MTHFD1: variants seen among roughly 807,000 people sequenced by gnomAD.
The protein encoded by MTHFD1 is methylenetetrahydrofolate dehydrogenase, cyclohydrolase and formyltetrahydrofolate synthetase 1.
Under a neutral mutation model 110.3 loss-of-function variants are expected in MTHFD1, and 44 were observed. The observed-to-expected ratio is 0.40, with a 90% confidence interval of 0.31 to 0.51. MTHFD1 has a LOEUF of 0.51. Ranked by LOEUF, MTHFD1 falls within the 20% of genes least tolerant of loss-of-function variation. MTHFD1 has a pLI of 0.60. For synonymous variants in MTHFD1, 402 were observed against 428.8 expected, an observed-to-expected ratio of 0.94 and a Z score of 0.77; for missense variants, 909 against 1,173.1, an observed-to-expected ratio of 0.77 and a Z score of 3.29.
At chr14:64,401,666 G>A (rs573061629) in intron 2 of MTHFD1, among the ~76,000 whole-genome samples, 3 of 145,952 alleles carry the variant, frequency 2.1e-5, no homozygotes, top group Non-Finnish European at 3.0e-5. Context: ...TTGTGCCACT[G>A]CACTCCAGCC....
intron 24 of MTHFD1, among the ~76,000 whole-genome samples, chr14:64,450,873 A>G (rs1320672933): frequency 6.6e-6 from 1 of 152,058 alleles, no homozygotes; most frequent in Non-Finnish European, 1.5e-5. Context: ...AAGCCTGGCT[A>G]ATTTGTTTTA....
intron 24 of MTHFD1, among the ~76,000 whole-genome samples, chr14:64,452,549 C>T (rs968116396): frequency 1.3e-5 from 2 of 152,190 alleles, no homozygotes; most frequent in African/African-American, 4.8e-5. Flanking sequence ...GGGACTGAGG[C>T]CCTCACCAGT....
chr14:64,439,249 C>T, intron 17 of MTHFD1, 77 bp downstream of exon 17: 4 of 1,045,220 alleles, frequency 3.8e-6, no homozygotes, highest in South Asian at 2.6e-5. Flanking sequence ...TCCATCCTCT[C>T]TCATACGACT....
rs974257312 is a variant in MTHFD1, at chr14:64,441,896, G to C, written c.1885-158G>C. 1.9e-5 allele frequency: 13 copies of C among 692,778 alleles called. No homozygotes were observed. In the African/African-American group the frequency reaches 2.1e-4, roughly 11 times the overall value. 42.9% of individuals were successfully genotyped at this position (692,778 alleles called of 1,614,324 possible). On this transcript the variant is annotated intron_variant, in intron 19 of 27. Transcript: ENST00000652337. Reference sequence around the variant, plus strand: ...TTTCTTCTCATTCTTCCTCACACCTGTGACTGGGACGTTACTGAAATAAAA... The same window carrying C: ...TTTCTTCTCATTCTTCCTCACACCTCTGACTGGGACGTTACTGAAATAAAA...
At position 64,453,795 on chromosome 14, in the gene MTHFD1, C is replaced by A; in HGVS notation, c.2499C>A (p.Ile833=). ...EDKIRIIAQK[I]YGADDIELLP... ...AAATCAGGATCATTGCACAGAAGAT[C>A]TATGGAGCAGATGACATTGAATTAC... The change falls in exon 25 of 28, where the codon ATC becomes ATA. Residue 833 remains isoleucine, a synonymous_variant. Transcript: ENST00000652337. 1 of 1,612,950 alleles carries A rather than the reference C, an allele frequency of 6.2e-7. No individual in the cohort carries two copies. Among genetic ancestry groups the A allele is most frequent in the South Asian group, 1.1e-5 (1 of 91,042 alleles).
At chr14:64,457,898 G>C (rs1018328497) in intron 26 of MTHFD1, 8 of 422,974 alleles carry the variant, frequency 1.9e-5, no homozygotes, top group African/African-American at 1.6e-4. Flanking sequence ...TGAAAGTAAA[G>C]ATGACTTTAC....
intron 21 of MTHFD1, among the ~76,000 whole-genome samples, chr14:64,444,276 A>G (rs2078272186): frequency 6.6e-6 from 1 of 151,996 alleles, no homozygotes; most frequent in Admixed American, 6.6e-5. Flanking sequence ...AGTTCATGAA[A>G]CCATGGCAGG....
In MTHFD1 at chr14:64,417,987, C is replaced by T. The variant is rs761174106; in HGVS notation, c.578C>T (p.Thr193Ile). ...DLLLWNNATV[T>I]TCHSKTAHLD... is the part of the protein sequence containing the mutation. ...CTTCTGTGGAACAATGCCACAGTGA[C>T]CACCTGCCACTCCAAGACTGCCCAT... Residue 193 changes from threonine to isoleucine, a missense_variant, in exon 7 of 28, where the codon ACC becomes ATC. By Grantham distance (89) the Thr-to-Ile change is moderately conservative (BLOSUM62 -1). Transcript: ENST00000652337. The surrounding 1 kb of genome is among the most constrained non-coding windows in gnomAD (Gnocchi z 4.4). 6.2e-7 allele frequency: 1 copy of T among 1,614,036 alleles called. No individual in the cohort carries two copies. Among genetic ancestry groups the T allele is most frequent in the South Asian group, 1.1e-5 (1 of 91,076 alleles).
intron 25 of MTHFD1, among the ~76,000 whole-genome samples, chr14:64,454,231 G>A (rs1361866906): frequency 2.6e-5 from 4 of 152,156 alleles, no homozygotes; most frequent in Non-Finnish European, 1.5e-5. Flanking sequence ...TCCCACCTCA[G>A]CCTCCTGAGT....
At chr14:64,435,487 A>C in intron 15 of MTHFD1, 82 bp from the exon 16 acceptor site, 1 of 848,222 alleles carries the variant, frequency 1.2e-6, no homozygotes. Flanking sequence ...TCCCATTTAG[A>C]GGTAGGGGTC....
chr14:64,416,527 G>A (rs188549565), intron 6 of MTHFD1, among the ~76,000 whole-genome samples: 38 of 152,116 alleles, frequency 2.5e-4, no homozygotes, highest in Middle Eastern at 6.8e-3. Context: ...ATATTGTCCC[G>A]TTACTAGTTA....
Position 64,424,835 on chromosome 14 carries a change from G to A in MTHFD1, c.759G>A (p.Val253=). Residue 253 remains valine (V), a synonymous_variant, in exon 9 of 28, where the codon GTG becomes GTA. Transcript: ENST00000652337. ...AAAAACCAAATGGGAGAAAAGTTGT[G>A]GGTGATGTGGCATACGACGAGGCCA... ...DDKKPNGRKV[V]GDVAYDEAKE... is the part of the protein sequence containing the mutation. 2 of 1,614,112 alleles carry A rather than the reference G, an allele frequency of 1.2e-6. No homozygotes were observed. Among genetic ancestry groups the A allele is most frequent in the South Asian group, 1.1e-5 (1 of 91,062 alleles).
At chr14:64,427,030 T>G (rs2078124120) in intron 11 of MTHFD1, among the ~76,000 whole-genome samples, 1 of 152,116 alleles carries the variant, frequency 6.6e-6, no homozygotes, top group African/African-American at 2.4e-5. Flanking sequence ...TCAGGGCTTT[T>G]GTCTTTCTTT....
intron 12 of MTHFD1, among the ~76,000 whole-genome samples, chr14:64,429,036 A>G (rs1212303176): frequency 6.6e-6 from 1 of 151,528 alleles, no homozygotes; most frequent in African/African-American, 2.4e-5. Context: ...ATACATATTA[A>G]TATATCTCTG....
In MTHFD1 at chr14:64,400,126, C is replaced by T. The variant is rs1190991631; in HGVS notation, c.42-667C>T. Among the ~76,000 whole-genome samples the T allele has an allele frequency of 2.6e-5, 4 of 151,922 alleles. No homozygotes were observed. In the East Asian group the frequency reaches 7.7e-4, roughly 29 times the overall value. ...AATACAGGCCGGGTGCAGTGGCTCA[C>T]GCCTGTAATCCCAGCACTTTGGGAA... On this transcript the variant is annotated intron_variant, in intron 1 of 27. Coordinates refer to ENST00000652337, the MANE Select transcript of MTHFD1 (RefSeq NM_005956.4).
intron 15 of MTHFD1, 55 bp downstream of exon 15, chr14:64,431,916 A>G (rs950499478): frequency 6.8e-7 from 1 of 1,477,514 alleles, no homozygotes; most frequent in African/African-American, 1.4e-5. Context: ...GAATCTGATC[A>G]TTGATTAGGA....
At chr14:64,390,080 C>G (rs2077792660) in intron 1 of MTHFD1, among the ~76,000 whole-genome samples, 1 of 152,112 alleles carries the variant, frequency 6.6e-6, no homozygotes, top group African/African-American at 2.4e-5. Context: ...ACCTGGAAAC[C>G]CTGTTTCCTG....
At chr14:64,455,128 A>T (rs2078448195) in intron 26 of MTHFD1, 1 of 473,454 alleles carries the variant, frequency 2.1e-6, no homozygotes, top group Non-Finnish European at 3.9e-6. Flanking sequence ...TCTGTTTCCC[A>T]GGGACAGTAT....
intron 27 of MTHFD1, among the ~76,000 whole-genome samples, chr14:64,459,049 C>A (rs972719231): frequency 3.3e-5 from 5 of 152,086 alleles, no homozygotes; most frequent in Non-Finnish European, 5.9e-5. Flanking sequence ...GTCTTACTGG[C>A]AATAAGAAGC....
Sources: allele counts gnomAD v4.1 joint callset (sites outside exome capture counted in the v4.1 genomes callset), GRCh38; gene constraint gnomAD v4.1.1; non-coding constraint Gnocchi (gnomAD v3.1); transcripts MANE v1.5; gene names NCBI Gene and HGNC (gene_info 2026-07-23, HGNC 2026-07-21).